TVP23A: variants seen among roughly 807,000 people sequenced by gnomAD.
TVP23A encodes trans-golgi network vesicle protein 23 homolog A.
Under a neutral mutation model 31.7 loss-of-function variants are expected in TVP23A, and 21 were observed. The ratio of observed to expected loss-of-function variants is 0.66; its 90% CI spans 0.47 to 0.95. The LOEUF is 0.95. TVP23A is among the 40% of genes least tolerant of loss of function. The pLI, the probability that TVP23A is intolerant of heterozygous loss-of-function variation, is 0.00. For missense variants in TVP23A, 279 were observed against 255.6 expected (o/e 1.09, Z -0.62); for synonymous variants, 104 against 96.0 (o/e 1.08, Z -0.49).
intron 2 of TVP23A, among the ~76,000 whole-genome samples, chr16:10,776,654 C>G (rs1409544557): frequency 6.6e-6 from 1 of 152,080 alleles, no homozygotes; most frequent in African/African-American, 2.4e-5. Flanking sequence ...GAATTCAGGG[C>G]AAGTCCATTG....
intron 2 of TVP23A, chr16:10,800,274 A>G (rs992531189): frequency 6.6e-6 from 1 of 152,078 alleles, no homozygotes; most frequent in Non-Finnish European, 1.5e-5. Flanking sequence ...ACTGGACAAG[A>G]TCTGAAGGCA....
At chr16:10,802,703 A>C (rs780944315) in intron 2 of TVP23A, among the ~76,000 whole-genome samples, 3 of 152,216 alleles carry the variant, frequency 2.0e-5, no homozygotes, top group Non-Finnish European at 4.4e-5. Context: ...ACACTAACTC[A>C]AAATATCATT....
intron 2 of TVP23A, among the ~76,000 whole-genome samples, chr16:10,791,710 C>T (rs904954205): frequency 2.0e-5 from 3 of 152,140 alleles, no homozygotes; most frequent in Non-Finnish European, 4.4e-5. Flanking sequence ...TGGGTTCAAG[C>T]GATTCTCCTG....
Position 10,767,005 on chromosome 16 carries a change from G to T in TVP23A, c.*2097C>A. The T allele has an allele frequency of 5.0e-6, 2 of 398,662 alleles. No homozygotes were observed. The highest frequency in any genetic ancestry group is 1.3e-4 in the South Asian group (1 of 7,844). 24.7% of individuals were successfully genotyped at this position (398,662 alleles called of 1,614,324 possible). A position where few individuals can be genotyped will look rare whatever the true frequency, so the allele number is the denominator to read the frequency against. ...ACCCCTCCCCACAGGCTTCTTCCCC[G>T]ACTTGGACTTCCCTGTCCCACAGGG... On this transcript the variant is annotated 3_prime_UTR_variant, in exon 8 of 8. Coordinates refer to ENST00000299866, the MANE Select transcript of TVP23A (RefSeq NM_001079512.4). This position sits in a 1 kb window ranked among gnomAD's most constrained non-coding sequence, Gnocchi z 4.6.
intron 7 of TVP23A, 32 bp downstream of exon 7, chr16:10,770,240 C>T: frequency 6.5e-7 from 1 of 1,549,788 alleles, no homozygotes; most frequent in South Asian, 1.2e-5. Context: ...TTCCCCAGTT[C>T]CTCCACACGG....
At chr16:10,761,239 CAG>C in exon 9 of TVP23A, 1 of 800,688 alleles carries the variant, frequency 1.2e-6, no homozygotes, top group African/African-American at 1.7e-5. Context: ...CAAACCCTAT[CAG>C]GGCAGAAACC....
exon 9 of TVP23A, chr16:10,761,272 G>A (rs2029876074): frequency 2.6e-6 from 3 of 1,160,362 alleles, no homozygotes; most frequent in Non-Finnish European, 2.5e-6. Context: ...TATGATCGCA[G>A]ATCCACTGCA....
At chr16:10,761,648 C>T (rs1418622767) in intron 8 of TVP23A, 1 of 1,024,630 alleles carries the variant, frequency 9.8e-7, no homozygotes, top group East Asian at 2.5e-5. Flanking sequence ...TTAAGGGTTC[C>T]ACATTCAAAC....
In TVP23A at chr16:10,769,024, A is replaced by G; in HGVS notation, c.*78T>C. 1 of 1,613,042 alleles carries G rather than the reference A, an allele frequency of 6.2e-7. No homozygotes were observed. The highest frequency in any genetic ancestry group is 8.5e-7 in the Non-Finnish European group (1 of 1,179,034). ...GGGGTAGACAAGCCATTAGCACTCTATGCCTGTCGTCTTGTTTTCCAGGAA... is the reference window on the plus strand; with the variant it reads ...GGGGTAGACAAGCCATTAGCACTCTGTGCCTGTCGTCTTGTTTTCCAGGAA... On this transcript the variant is annotated 3_prime_UTR_variant, in exon 8 of 8. Coordinates refer to ENST00000299866, the MANE Select transcript of TVP23A (RefSeq NM_001079512.4).
At chr16:10,806,816 T>A (rs1218847813) in intron 2 of TVP23A, among the ~76,000 whole-genome samples, 2 of 152,214 alleles carry the variant, frequency 1.3e-5, no homozygotes, top group East Asian at 3.8e-4. Flanking sequence ...AGTGATTTTG[T>A]TGTGGACACA....
chr16:10,818,271 T>G lies in TVP23A; in HGVS notation c.10-89A>C. ...CTGTCCTCCTGGGCTTGGACTCCACTTGCACCCCACCGGGTTCCCAAGTGG... is the reference window on the plus strand; with the variant it reads ...CTGTCCTCCTGGGCTTGGACTCCACGTGCACCCCACCGGGTTCCCAAGTGG... On this transcript the variant is annotated intron_variant, in intron 1 of 7. Coordinates refer to ENST00000299866, the MANE Select transcript of TVP23A (RefSeq NM_001079512.4). The surrounding 1 kb of genome is among the most constrained non-coding windows in gnomAD (Gnocchi z 4.7). The G allele has an allele frequency of 1.0e-6, 1 of 955,018 alleles. No homozygotes were observed. The highest frequency in any genetic ancestry group is 1.5e-6 in the Non-Finnish European group (1 of 668,924). The allele number at this position is 955,018 out of a possible 1,614,324, so 59.2% of individuals were successfully genotyped here. A position where few individuals can be genotyped will look rare whatever the true frequency, so the allele number is the denominator to read the frequency against.
At chr16:10,761,967 G>A, downstream of TVP23A, 4 of 837,596 alleles carry the variant, frequency 4.8e-6, no homozygotes, top group South Asian at 4.9e-5. Flanking sequence ...AAGGAGGAGG[G>A]TCAATGGGGC....
Position 10,818,077 on chromosome 16 carries a change from C to T in TVP23A, c.89+26G>A, listed in dbSNP as rs1358477583. 1 of 1,586,896 alleles carries T rather than the reference C, an allele frequency of 6.3e-7. No individual in the cohort carries two copies. The highest frequency in any genetic ancestry group is 1.7e-5 in the Admixed American group (1 of 57,398). On this transcript the variant is annotated intron_variant, in intron 2 of 7. Coordinates refer to ENST00000299866, the MANE Select transcript of TVP23A (RefSeq NM_001079512.4). This position sits in a 1 kb window ranked among gnomAD's most constrained non-coding sequence, Gnocchi z 4.7. Reference sequence around the variant, plus strand: ...ATGAATTTGCAGCTTTGGGGAACGCCTGACCCAAGCTCCATCCCAACACAC... The same window carrying T: ...ATGAATTTGCAGCTTTGGGGAACGCTTGACCCAAGCTCCATCCCAACACAC...
chr16:10,805,407 C>G (rs917146037), intron 2 of TVP23A, among the ~76,000 whole-genome samples: 3 of 151,822 alleles, frequency 2.0e-5, no homozygotes, highest in African/African-American at 4.8e-5. Flanking sequence ...AAGAGCATAC[C>G]GGAGGCTTGG....
intron 2 of TVP23A, among the ~76,000 whole-genome samples, chr16:10,795,326 C>T (rs1000036157): frequency 4.0e-5 from 6 of 151,112 alleles, no homozygotes; most frequent in Non-Finnish European, 1.5e-5. Context: ...TCTTGGCTAA[C>T]TGCAACCTCC....
chr16:10,809,114 C>CA (rs1217091304), intron 2 of TVP23A, among the ~76,000 whole-genome samples: 1 of 152,216 alleles, frequency 6.6e-6, no homozygotes, highest in Non-Finnish European at 1.5e-5. Context: ...TTCTGAAGCC[C>CA]ACAAGGGGCA....
chr16:10,762,932 T>A (rs1044215142), downstream of TVP23A, among the ~76,000 whole-genome samples: 2 of 149,684 alleles, frequency 1.3e-5, no homozygotes, highest in Non-Finnish European at 3.0e-5. Flanking sequence ...CGACTGTCAG[T>A]GTCATGTGCC....
chr16:10,762,436 G>A (rs542223205), downstream of TVP23A, among the ~76,000 whole-genome samples: 24 of 152,202 alleles, frequency 1.6e-4, no homozygotes, highest in African/African-American at 5.3e-4. Context: ...AAGGAGGGAC[G>A]GGGTTTCACG....
At chr16:10,799,728 C>G (rs955688550) in intron 2 of TVP23A, among the ~76,000 whole-genome samples, 9 of 152,176 alleles carry the variant, frequency 5.9e-5, no homozygotes, top group Admixed American at 4.6e-4. Flanking sequence ...CTCTTAGAAG[C>G]AGATGGTGAA....
Sources: allele counts gnomAD v4.1 joint callset (sites outside exome capture counted in the v4.1 genomes callset), GRCh38; gene constraint gnomAD v4.1.1; non-coding constraint Gnocchi (gnomAD v3.1); transcripts MANE v1.5; gene names NCBI Gene and HGNC (gene_info 2026-07-23, HGNC 2026-07-21).